Variants in MAN2B1 observed in about 807,000 individuals in gnomAD.
MAN2B1 encodes the protein mannosidase alpha class 2B member 1, also known as lysosomal alpha-mannosidase.
In MAN2B1, 99 loss-of-function variants were observed where a neutral mutation model predicts 127.5. That is an observed-to-expected ratio of 0.78 (90% CI 0.66 to 0.92). The LOEUF is 0.92. MAN2B1 is among the 40% of genes least tolerant of loss of function. MAN2B1 has a pLI of 0.00. For missense variants in MAN2B1, 1,304 were observed against 1,384.8 expected (o/e 0.94, Z 0.93); for synonymous variants, 573 against 568.8 (o/e 1.01, Z -0.11).
At chr19:12,653,395 C>A (rs972255888) in intron 14 of MAN2B1, among the ~76,000 whole-genome samples, 2 of 151,708 alleles carry the variant, frequency 1.3e-5, no homozygotes, top group African/African-American at 2.4e-5. Context: ...TCCACCCCCC[C>A]CTCAGCCTCC....
rs202009691 is a variant in MAN2B1, at chr19:12,647,631, G to T, written c.2665-33C>A. The T allele has an allele frequency of 2.5e-4, 404 of 1,596,060 alleles. 1 individual carries two copies. The Middle Eastern group carries it at 2.7e-3, about 11-fold the overall frequency. ...AGAGAGGGCGGGGCTGAGTTGGAGA[G>T]GGGCGGGGCCTGGATGGAGAAGGGC... is the stretch of plus-strand genomic sequence containing the variant. On this transcript the variant is annotated intron_variant, in intron 21 of 23. Coordinates refer to ENST00000456935, the MANE Select transcript of MAN2B1 (RefSeq NM_000528.4). The surrounding 1 kb of genome is among the most constrained non-coding windows in gnomAD (Gnocchi z 4.9).
intron 6 of MAN2B1, among the ~76,000 whole-genome samples, chr19:12,662,952 A>T (rs1345809131): frequency 7.5e-6 from 1 of 133,590 alleles, no homozygotes; most frequent in African/African-American, 2.9e-5. Context: ...AAAAAAAAAT[A>T]ATAATAAATA....
At chr19:12,657,625 T>G in intron 10 of MAN2B1, 70 bp from the exon 11 acceptor site, 1 of 1,336,878 alleles carries the variant, frequency 7.5e-7, no homozygotes, top group Non-Finnish European at 1.1e-6. Context: ...AAGCGAAAGG[T>G]CCGGTGCTGG....
At chr19:12,653,691 C>G (rs2023894345) in intron 14 of MAN2B1, among the ~76,000 whole-genome samples, 1 of 152,076 alleles carries the variant, frequency 6.6e-6, no homozygotes, top group Admixed American at 6.6e-5. Context: ...CTCAAGCAGT[C>G]CACCACACCC....
chr19:12,655,811 G>C lies in MAN2B1; in HGVS notation c.1713C>G (p.Pro571=). 1 of 1,613,326 alleles carries C rather than the reference G, an allele frequency of 6.2e-7. No homozygotes were observed. Among genetic ancestry groups the C allele is most frequent in the Non-Finnish European group, 8.5e-7 (1 of 1,179,474 alleles). Residue 571 remains proline, a synonymous_variant, in exon 14 of 24, where the codon CCC becomes CCG. Transcript: ENST00000456935. ...PPELLFSASL[P]ALGFSTYSVA... ...CTGAATAGGTGCTGAAGCCCAGGGC[G>C]GGCAGTGAGGCTGAGAACAGCAGCT...
At chr19:12,665,120 A>G (rs540595154) in intron 3 of MAN2B1, 135 bp from the exon 4 acceptor site, 3 of 1,056,652 alleles carry the variant, frequency 2.8e-6, no homozygotes, top group Admixed American at 1.9e-5. Context: ...CTCCCAGGCC[A>G]TAGTTCCCAG....
At chr19:12,655,916 C>A in intron 13 of MAN2B1, 37 bp from the exon 14 acceptor site, 1 of 1,581,650 alleles carries the variant, frequency 6.3e-7, no homozygotes, top group African/African-American at 1.3e-5. Context: ...GTCAAGAGTA[C>A]CCATGGAAAG....
At chr19:12,653,395 C>CCA (rs1555707384) in intron 14 of MAN2B1, among the ~76,000 whole-genome samples, 1 of 151,708 alleles carries the variant, frequency 6.6e-6, no homozygotes, top group East Asian at 2.0e-4. Context: ...TCCACCCCCC[C>CCA]CTCAGCCTCC....
chr19:12,656,494 G>T, intron 13 of MAN2B1, 77 bp downstream of exon 13: 1 of 979,782 alleles, frequency 1.0e-6, no homozygotes, highest in Non-Finnish European at 1.7e-6. Flanking sequence ...GGAAGCAGGC[G>T]ATATCCATGG....
At chr19:12,661,208 C>G in intron 7 of MAN2B1, 52 bp downstream of exon 7, 1 of 1,306,774 alleles carries the variant, frequency 7.7e-7, no homozygotes. Flanking sequence ...CCCAAGGCCC[C>G]CGGATGCAAG....
At position 12,655,810 on chromosome 19, in the gene MAN2B1, C is replaced by T. The variant is rs377104016; in HGVS notation, c.1714G>A (p.Ala572Thr). The change falls in exon 14 of 24, where the codon GCC becomes ACC. Residue 572 changes from alanine to threonine, a missense_variant. Coordinates refer to ENST00000456935, the MANE Select transcript of MAN2B1 (RefSeq NM_000528.4). ...PELLFSASLPALGFSTYSVAQ... is the reference protein window; with the variant it reads ...PELLFSASLPTLGFSTYSVAQ... ...ACTGAATAGGTGCTGAAGCCCAGGG[C>T]GGGCAGTGAGGCTGAGAACAGCAGC... 6.2e-6 allele frequency: 10 copies of T among 1,612,858 alleles called. No individual in the cohort carries two copies. The Admixed American group carries it at 6.7e-5, about 11-fold the overall frequency.
At chr19:12,654,257 T>C (rs1047747788) in intron 14 of MAN2B1, among the ~76,000 whole-genome samples, 3 of 152,082 alleles carry the variant, frequency 2.0e-5, no homozygotes, top group Non-Finnish European at 4.4e-5. Flanking sequence ...TTAGCCAGGA[T>C]GGTCTCCATC....
At chr19:12,652,565 T>G (rs1480833421) in intron 14 of MAN2B1, 105 bp from the exon 15 acceptor site, 3 of 793,416 alleles carry the variant, frequency 3.8e-6, no homozygotes, top group Non-Finnish European at 4.2e-6. Context: ...TGAGTCTCAC[T>G]CTGTAGCCCA....
chr19:12,665,492 T>C lies in MAN2B1; in HGVS notation c.296A>G (p.Tyr99Cys). The C allele has an allele frequency of 6.2e-7, 1 of 1,614,160 alleles. No homozygotes were observed. Among genetic ancestry groups the C allele is most frequent in the Non-Finnish European group, 8.5e-7 (1 of 1,180,032 alleles). ...KNDIQHAGVQYILDSVISALL... is the reference protein window; with the variant it reads ...KNDIQHAGVQCILDSVISALL... ...GGCAGAGATGACCGAGTCCAGGATG[T>C]ACTGCACACCGGCGTGCTGGATGTC... The change falls in exon 3 of 24, where the codon TAC becomes TGC. Residue 99 changes from tyrosine to cysteine, a missense_variant. Physicochemically the swap from Tyr to Cys is radical, Grantham distance 194. Coordinates refer to ENST00000456935, the MANE Select transcript of MAN2B1 (RefSeq NM_000528.4).
chr19:12,663,324 G>T lies in MAN2B1; in HGVS notation c.902C>A (p.Thr301Asn). 1.2e-6 allele frequency: 2 copies of T among 1,614,210 alleles called. No homozygotes were observed. The highest frequency in any genetic ancestry group is 1.1e-5 in the South Asian group (1 of 91,086). The stretch of plus-strand genomic sequence containing the variant: ...TCTGGACACCAGGGTTACCTGGGCA[G>T]TGGCCACATTTAGGAAGTAATCGAC... ...ELVDYFLNVA[T>N]AQGRYYRTNH... The change falls in exon 6 of 24, where the codon ACT becomes AAT. Residue 301 changes from threonine to asparagine, a missense_variant. By Grantham distance (65) the Thr-to-Asn change is moderately conservative (BLOSUM62 0). Transcript: ENST00000456935.
At chr19:12,656,058 GA>G (rs969887969) in intron 13 of MAN2B1, 179 bp from the exon 14 acceptor site, 52 of 501,926 alleles carry the variant, frequency 1.0e-4, no homozygotes, top group Middle Eastern at 1.1e-3. Context: ...TCACCAGGTG[GA>G]AAAAAAAACC....
At position 12,658,304 on chromosome 19, in the gene MAN2B1, G is replaced by A. The variant is rs2024022987; in HGVS notation, c.1150C>T (p.Pro384Ser). The change falls in exon 9 of 24, where the codon CCC becomes TCC. Residue 384 changes from proline to serine, a missense_variant. By Grantham distance (74) the Pro-to-Ser change is moderately conservative. Coordinates refer to ENST00000456935, the MANE Select transcript of MAN2B1 (RefSeq NM_000528.4). ...HDDFFPYADG[P>S]HQFWTGYFSS... ...AAGTAACCGGTCCAGAACTGGTGGGGGCCATCCGCGTAAGGGAAGAAGTCG... is the reference window on the plus strand; with the variant it reads ...AAGTAACCGGTCCAGAACTGGTGGGAGCCATCCGCGTAAGGGAAGAAGTCG... The A allele has an allele frequency of 6.2e-7, 1 of 1,614,204 alleles. No homozygotes were observed. The highest frequency in any genetic ancestry group is 8.5e-7 in the Non-Finnish European group (1 of 1,180,040).
At chr19:12,654,331 C>T (rs1260932952) in intron 14 of MAN2B1, among the ~76,000 whole-genome samples, 5 of 152,108 alleles carry the variant, frequency 3.3e-5, no homozygotes, top group African/African-American at 9.7e-5. Context: ...TGTGAGCCAC[C>T]GCGCCCGGCC....
chr19:12,649,829 C>T, intron 18 of MAN2B1, 84 bp downstream of exon 18: 1 of 1,186,034 alleles, frequency 8.4e-7, no homozygotes, highest in Non-Finnish European at 1.3e-6. Context: ...CTCCCACACT[C>T]ATGTAATCAG....
Sources: allele counts gnomAD v4.1 joint callset (sites outside exome capture counted in the v4.1 genomes callset), GRCh38; gene constraint gnomAD v4.1.1; non-coding constraint Gnocchi (gnomAD v3.1); transcripts MANE v1.5; gene names NCBI Gene and HGNC (gene_info 2026-07-23, HGNC 2026-07-21).